The following NFIB variants were observed in gnomAD, a reference collection of about 807,000 sequenced individuals.
The protein encoded by NFIB is nuclear factor I B.
In NFIB, 11 loss-of-function variants were observed where a neutral mutation model predicts 61.5. The observed-to-expected ratio is 0.18, with a 90% CI of 0.11 to 0.30. The LOEUF is 0.30. Ranked by LOEUF, NFIB falls within the 10% of genes least tolerant of loss-of-function variation. The pLI is 1.00. For synonymous variants in NFIB, 260 were observed against 216.5 expected (o/e 1.20, Z -1.76); for missense variants, 471 against 608.9 (o/e 0.77, Z 2.38).
At chr9:14,272,416 T>C (rs907877196) in intron 2 of NFIB, among the ~76,000 whole-genome samples, 7 of 152,244 alleles carry the variant, frequency 4.6e-5, no homozygotes, top group East Asian at 1.9e-4. Flanking sequence ...AATTATAACA[T>C]GATATTTGCA....
intron 1 of NFIB, among the ~76,000 whole-genome samples, chr9:14,369,190 T>G (rs1022532546): frequency 2.0e-5 from 3 of 152,186 alleles, no homozygotes; most frequent in African/African-American, 7.2e-5. Flanking sequence ...GTCAAACAGC[T>G]AGCTAGTAGT....
intron 2 of NFIB, among the ~76,000 whole-genome samples, chr9:14,259,237 G>A (rs2056515304): frequency 6.6e-6 from 1 of 152,128 alleles, no homozygotes; most frequent in Admixed American, 6.5e-5. Context: ...TGCTTGTGGT[G>A]GTGATGAAAG....
chr9:14,350,135 C>T (rs1412678109), intron 1 of NFIB, among the ~76,000 whole-genome samples: 1 of 152,150 alleles, frequency 6.6e-6, no homozygotes, highest in Non-Finnish European at 1.5e-5. Context: ...AGCGCTCAGC[C>T]TCGGTGCCTC....
chr9:14,247,796 A>G (rs915879769), intron 2 of NFIB, among the ~76,000 whole-genome samples: 2 of 152,118 alleles, frequency 1.3e-5, no homozygotes, highest in African/African-American at 4.8e-5. Flanking sequence ...CTTTGATGTC[A>G]CCTCATTAAC....
At chr9:14,172,501 A>G (rs1277758744) in intron 3 of NFIB, among the ~76,000 whole-genome samples, 1 of 152,240 alleles carries the variant, frequency 6.6e-6, no homozygotes, top group Non-Finnish European at 1.5e-5. Flanking sequence ...TCTTGGTAGG[A>G]AAAAAGTAAT....
intron 1 of NFIB, among the ~76,000 whole-genome samples, chr9:14,397,441 G>A (rs1282975683): frequency 6.6e-6 from 1 of 152,144 alleles, no homozygotes; most frequent in Non-Finnish European, 1.5e-5. Context: ...GCTAATTTTG[G>A]AGAAAACAAT....
chr9:14,088,722 C>T (rs2033294808), intron 10 of NFIB, among the ~76,000 whole-genome samples: 1 of 152,100 alleles, frequency 6.6e-6, no homozygotes, highest in South Asian at 2.1e-4. Flanking sequence ...TTGCCAGTTA[C>T]ATTCTAATCT....
chr9:14,178,755 G>A (rs1303243770), intron 3 of NFIB, among the ~76,000 whole-genome samples: 1 of 151,994 alleles, frequency 6.6e-6, no homozygotes, highest in Non-Finnish European at 1.5e-5. Flanking sequence ...TGCAATTTTG[G>A]TGTTCTTCTG....
At chr9:14,470,308 G>A in the NFIB span, among the ~76,000 whole-genome samples, 1 of 152,036 alleles carries the variant, frequency 6.6e-6, no homozygotes, top group South Asian at 2.1e-4. Context: ...GGCTTTCCCT[G>A]CTTGCTCCTG....
chr9:14,505,872 T>C, the NFIB span, among the ~76,000 whole-genome samples: 19 of 152,274 alleles, frequency 1.2e-4, no homozygotes, highest in Admixed American at 7.8e-4. Context: ...ACGTATATCA[T>C]GACTGAAAAC....
At chr9:14,519,721 C>A in the NFIB span, among the ~76,000 whole-genome samples, 1 of 152,158 alleles carries the variant, frequency 6.6e-6, no homozygotes, top group African/African-American at 2.4e-5. Flanking sequence ...CTAATCCTCA[C>A]AACAATCTTA....
At chr9:14,516,678 T>C in the NFIB span, among the ~76,000 whole-genome samples, 1 of 152,202 alleles carries the variant, frequency 6.6e-6, no homozygotes, top group African/African-American at 2.4e-5. Context: ...ACATTAAATA[T>C]TAGGCCTTGT....
At chr9:14,513,387 T>C in the NFIB span, among the ~76,000 whole-genome samples, 2 of 151,984 alleles carry the variant, frequency 1.3e-5, no homozygotes, top group African/African-American at 2.4e-5. Flanking sequence ...CCCAGCACTT[T>C]GGGAGGCTGA....
intron 6 of NFIB, among the ~76,000 whole-genome samples, chr9:14,127,250 T>C (rs533875699): frequency 5.2e-4 from 79 of 152,356 alleles, no homozygotes; most frequent in African/African-American, 1.8e-3. Flanking sequence ...AGATATGCCT[T>C]GGTTTTAACA....
At chr9:14,207,922 C>A (rs950217069) in intron 2 of NFIB, among the ~76,000 whole-genome samples, 1 of 152,060 alleles carries the variant, frequency 6.6e-6, no homozygotes, top group Admixed American at 6.5e-5. Flanking sequence ...AAGGAAAGAG[C>A]CCAAGGTCAA....
rs1021059731 is a variant in NFIB at position 14,295,771 on chromosome 9, T to C, written c.562+11218A>G. On this transcript the variant is annotated intron_variant, in intron 2 of 10. Transcript: ENST00000380953. ...AATTTAATTTTTTTGTACATGACAG[T>C]TTTACACTTTTATTGGAGTGCAGTG... 5.3e-5 allele frequency among the ~76,000 whole-genome samples: 8 copies of C among 152,202 alleles called. 1 individual carries two copies. The highest frequency in any genetic ancestry group is 1.2e-4 in the Non-Finnish European group (8 of 68,044).
the NFIB span, among the ~76,000 whole-genome samples, chr9:14,474,632 A>T: frequency 6.6e-6 from 1 of 152,236 alleles, no homozygotes; most frequent in Non-Finnish European, 1.5e-5. Flanking sequence ...GATATGATTC[A>T]TTCTGAGGCC....
chr9:14,113,103 C>A, intron 9 of NFIB, 22 bp from the exon 10 acceptor site: 1 of 1,542,954 alleles, frequency 6.5e-7, no homozygotes, highest in Non-Finnish European at 8.7e-7. Context: ...AGAACAAAAA[C>A]AAAGATAAAA....
Position 14,249,863 on chromosome 9 carries a change from T to C in NFIB, c.562+57126A>G, listed in dbSNP as rs189231644. Among the ~76,000 whole-genome samples the C allele has an allele frequency of 2.4e-4, 37 of 152,180 alleles. No individual in the cohort carries two copies. In the East Asian group the frequency reaches 7.0e-3, roughly 29 times the overall value. ...CTAGCAATAGACAGTGGTGACACTG[T>C]CCTCATGCAAAGGGATAAATAGAGG... On this transcript the variant is annotated intron_variant, in intron 2 of 10. Coordinates refer to ENST00000380953, the MANE Select transcript of NFIB (RefSeq NM_001190737.2).
Sources: gnomAD v4.1 joint callset for allele counts (sites outside exome capture counted in the v4.1 genomes callset) on GRCh38, gnomAD v4.1.1 for gene constraint, MANE v1.5 for transcripts, NCBI Gene and HGNC (gene_info 2026-07-23, HGNC 2026-07-21) for gene names.